Variants in TBC1D1 observed in about 807,000 individuals in gnomAD.
TBC1D1 encodes TBC1 domain family member 1, also known as TBC1 (tre-2/USP6, BUB2, cdc16) domain family, member 1.
TBC1D1 carries 89 observed loss-of-function variants against 125.6 expected under a neutral mutation model. That is an observed-to-expected ratio of 0.71 (90% confidence interval 0.60 to 0.85). The LOEUF (loss-of-function observed/expected upper bound fraction) is 0.85, where lower values mean the gene tolerates loss of function less well. Ranked by LOEUF, TBC1D1 falls within the 40% of genes least tolerant of loss-of-function variation. TBC1D1 has a pLI of 0.00. For missense variants in TBC1D1, 1,377 were observed against 1,469.2 expected, an observed-to-expected ratio of 0.94 and a Z score of 1.03; for synonymous variants, 565 against 564.1, an observed-to-expected ratio of 1.00 and a Z score of -0.02.
At chr4:38,027,420 C>T (rs1745277308) in intron 6 of TBC1D1, among the ~76,000 whole-genome samples, 1 of 152,130 alleles carries the variant, frequency 6.6e-6, no homozygotes, top group East Asian at 1.9e-4. Flanking sequence ...CTCAAGAGTT[C>T]GAGACCAGCC....
At chr4:37,959,658 T>G (rs1729594999) in intron 2 of TBC1D1, among the ~76,000 whole-genome samples, 1 of 152,246 alleles carries the variant, frequency 6.6e-6, no homozygotes, top group African/African-American at 2.4e-5. Context: ...TATTTATCAT[T>G]GAATTGAAAT....
intron 2 of TBC1D1, among the ~76,000 whole-genome samples, chr4:37,984,926 A>G (rs1411107031): frequency 6.6e-6 from 1 of 151,984 alleles, no homozygotes; most frequent in Non-Finnish European, 1.5e-5. Flanking sequence ...TACAACCTAT[A>G]GGAAGACCTT....
intron 2 of TBC1D1, among the ~76,000 whole-genome samples, chr4:37,982,058 T>C (rs905687256): frequency 6.6e-6 from 1 of 152,228 alleles, no homozygotes; most frequent in African/African-American, 2.4e-5. Flanking sequence ...CGAGTACAAC[T>C]TGCCCTTCCA....
chr4:38,116,241 C>T (rs890879298), intron 16 of TBC1D1, among the ~76,000 whole-genome samples: 4 of 152,154 alleles, frequency 2.6e-5, no homozygotes, highest in African/African-American at 7.2e-5. Flanking sequence ...GGACTGGAAA[C>T]CCAGGCCTCT....
At chr4:37,969,184 C>T (rs939700403) in intron 2 of TBC1D1, among the ~76,000 whole-genome samples, 4 of 152,168 alleles carry the variant, frequency 2.6e-5, no homozygotes, top group African/African-American at 7.2e-5. Context: ...CTTGAGGCCT[C>T]CAGCCCATCA....
chr4:38,079,700 C>T (rs1756218092), intron 12 of TBC1D1, among the ~76,000 whole-genome samples: 1 of 151,716 alleles, frequency 6.6e-6, no homozygotes, highest in African/African-American at 2.4e-5. Flanking sequence ...TGCAGTCCAG[C>T]CTGGGCAACA....
intron 4 of TBC1D1, 42 bp downstream of exon 4, chr4:38,018,485 T>C (rs947530442): frequency 8.1e-7 from 1 of 1,239,910 alleles, no homozygotes; most frequent in African/African-American, 1.5e-5. Context: ...CAATGGAATT[T>C]TTAAATGAAT....
intron 10 of TBC1D1, among the ~76,000 whole-genome samples, chr4:38,048,066 A>G (rs1374971980): frequency 6.6e-6 from 1 of 152,208 alleles, no homozygotes; most frequent in Non-Finnish European, 1.5e-5. Flanking sequence ...ATTCTAAGAG[A>G]GATGCAACTT....
At chr4:38,090,147 C>G in intron 13 of TBC1D1, 30 bp downstream of exon 15, 1 of 1,606,514 alleles carries the variant, frequency 6.2e-7, no homozygotes, top group Non-Finnish European at 8.5e-7. Flanking sequence ...ATTGAACAGG[C>G]CTGGTCTTAT....
intron 2 of TBC1D1, among the ~76,000 whole-genome samples, chr4:37,912,509 A>T (rs1228514631): frequency 6.6e-6 from 1 of 152,212 alleles, no homozygotes; most frequent in Non-Finnish European, 1.5e-5. Context: ...TGCCTTGCTG[A>T]AGGAGTTGGA....
At chr4:38,124,687 A>G (rs1764361682) in intron 17 of TBC1D1, among the ~76,000 whole-genome samples, 1 of 152,230 alleles carries the variant, frequency 6.6e-6, no homozygotes, top group South Asian at 2.1e-4. Context: ...AAATAGACTA[A>G]TAAAACCTTT....
chr4:38,029,694 G>T (rs1245250141), intron 7 of TBC1D1, among the ~76,000 whole-genome samples: 1 of 152,162 alleles, frequency 6.6e-6, no homozygotes, highest in Non-Finnish European at 1.5e-5. Flanking sequence ...CACGTTAGAG[G>T]TCTTGTCTTA....
At chr4:38,084,862 T>A (rs1757202196) in intron 12 of TBC1D1, among the ~76,000 whole-genome samples, 2 of 152,176 alleles carry the variant, frequency 1.3e-5, no homozygotes, top group African/African-American at 4.8e-5. Flanking sequence ...CTTCTAGAGC[T>A]CCTCTTTCTT....
chr4:38,064,814 G>A (rs562827376), intron 12 of TBC1D1, among the ~76,000 whole-genome samples: 40 of 151,768 alleles, frequency 2.6e-4, no homozygotes, highest in Admixed American at 8.5e-4. Flanking sequence ...TAGTAGAGAC[G>A]GGGTTTCACC....
intron 2 of TBC1D1, among the ~76,000 whole-genome samples, chr4:37,972,903 C>CAA (rs33977382): frequency 1.7e-4 from 18 of 104,556 alleles, no homozygotes; most frequent in South Asian, 3.0e-4. Flanking sequence ...ACTCCATCTC[C>CAA]AAAAAAAAAA....
chr4:37,944,599 T>C (rs1426477506), intron 2 of TBC1D1, among the ~76,000 whole-genome samples: 1 of 152,072 alleles, frequency 6.6e-6, no homozygotes, highest in Non-Finnish European at 1.5e-5. Context: ...GTGCTAACAA[T>C]GAGCGAGGGT....
At chr4:38,027,975 A>T (rs1745382431) in intron 7 of TBC1D1, 96 bp downstream of exon 7, 1 of 861,122 alleles carries the variant, frequency 1.2e-6, no homozygotes, top group Non-Finnish European at 1.8e-6. Context: ...GTGTTGTCCC[A>T]ACCTGGGGGA....
intron 12 of TBC1D1, among the ~76,000 whole-genome samples, chr4:38,084,298 G>A (rs1757104972): frequency 6.6e-6 from 1 of 152,194 alleles, no homozygotes; most frequent in South Asian, 2.1e-4. Flanking sequence ...GCAACTGTAG[G>A]AAATAATCAG....
At chr4:37,948,327 T>C (rs1727141271) in intron 2 of TBC1D1, among the ~76,000 whole-genome samples, 2 of 152,086 alleles carry the variant, frequency 1.3e-5, no homozygotes, top group East Asian at 1.9e-4. Context: ...TCACATACCA[T>C]AAAATTCACC....
Sources: allele counts gnomAD v4.1 joint callset (sites outside exome capture counted in the v4.1 genomes callset), GRCh38; gene constraint gnomAD v4.1.1; transcripts MANE v1.5; gene names NCBI Gene and HGNC (gene_info 2026-07-23, HGNC 2026-07-21).